COG4: variants seen among roughly 807,000 people sequenced by gnomAD.
COG4 encodes the protein conserved oligomeric Golgi complex subunit 4.
In COG4, 65 loss-of-function variants were observed where a neutral mutation model predicts 95.1. That is an observed-to-expected ratio of 0.68 (90% CI 0.56 to 0.84). The LOEUF (loss-of-function observed/expected upper bound fraction) is 0.84, where lower values mean the gene tolerates loss of function less well. COG4 is among the 40% of genes least tolerant of loss of function. The pLI is 0.00. For missense variants in COG4, 1,045 were observed against 989.1 expected (o/e 1.06, Z -0.76); for synonymous variants, 421 against 374.8 (o/e 1.12, Z -1.42).
chr16:70,500,494 G>A (rs1408317984), intron 9 of COG4, among the ~76,000 whole-genome samples: 1 of 149,828 alleles, frequency 6.7e-6, no homozygotes, highest in African/African-American at 2.5e-5. Flanking sequence ...CCGAGTAGCT[G>A]GGACTGCAGG....
chr16:70,512,493 C>T lies in COG4; in HGVS notation c.545-61G>A, dbSNP rs7193228. The T allele has an allele frequency of 0.025, 35,236 of 1,389,932 alleles. 6,360 individuals are homozygous for T. In the African/African-American group the frequency reaches 0.41, roughly 16 times the overall value. The allele number at this position is 1,389,932 out of a possible 1,614,324, so 86.1% of individuals were successfully genotyped here. ...GAATAGTACTGTGGCAGGTCCATGC[C>T]ACTTTGTGTAATACTATTCATCCAG... On this transcript the variant is annotated intron_variant, in intron 4 of 18. Transcript: ENST00000323786.
At chr16:70,523,157 A>C (rs1472179708) in intron 1 of COG4, 4 of 593,222 alleles carry the variant, frequency 6.7e-6, no homozygotes, top group Non-Finnish European at 1.2e-5. Context: ...GAGAGGCTGC[A>C]GATCGCCCAG....
In COG4 at chr16:70,501,163, G is replaced by C. The variant is rs997674109; in HGVS notation, c.1062-72C>G. The C allele has an allele frequency of 1.1e-5, 18 of 1,565,260 alleles. No individual in the cohort carries two copies. The African/African-American group carries it at 2.2e-4, about 19-fold the overall frequency. ...AGACACAAGAGCTACAGGGCAAAGA[G>C]AGTCCCAAATTCCCCCTCCCCACTG... On this transcript the variant is annotated intron_variant, in intron 8 of 18. Transcript: ENST00000323786.
At chr16:70,506,618 CAAAAAAAA>C (rs1212409898) in intron 8 of COG4, among the ~76,000 whole-genome samples, 1 of 59,910 alleles carries the variant, frequency 1.7e-5, no homozygotes, top group Non-Finnish European at 2.9e-5. Flanking sequence ...AAAAAAAAAA[CAAAAAAAA>C]AAACATTTAG....
At chr16:70,518,843 GGC>G (rs770030174) in intron 2 of COG4, among the ~76,000 whole-genome samples, 5 of 152,012 alleles carry the variant, frequency 3.3e-5, no homozygotes, top group African/African-American at 4.8e-5. Context: ...TGGGCGTGGT[GGC>G]ACATGCCTGG....
At chr16:70,515,857 C>T (rs543277468) in intron 3 of COG4, 7 of 347,368 alleles carry the variant, frequency 2.0e-5, no homozygotes, top group Non-Finnish European at 5.7e-6. Context: ...TTTTGTAGGA[C>T]AGGGTCTTAC....
chr16:70,492,054 A>G (rs1001654701), intron 12 of COG4, among the ~76,000 whole-genome samples: 1 of 152,156 alleles, frequency 6.6e-6, no homozygotes, highest in African/African-American at 2.4e-5. Context: ...TAAAGCAGGA[A>G]AAGGGACAGA....
intron 12 of COG4, 125 bp from the exon 13 acceptor site, chr16:70,490,517 G>A (rs1165489807): frequency 2.5e-6 from 2 of 794,564 alleles, no homozygotes; most frequent in Non-Finnish European, 4.4e-6. Flanking sequence ...GTTCAGACTT[G>A]CGCTAATGAA....
chr16:70,481,898 C>T lies in COG4; in HGVS notation c.2005-33G>A, dbSNP rs763753114. 19 of 1,572,468 alleles carry T rather than the reference C, an allele frequency of 1.2e-5. No individual in the cohort carries two copies. The East Asian group carries it at 4.0e-4, about 33-fold the overall frequency. On this transcript the variant is annotated intron_variant, in intron 16 of 18. Coordinates refer to ENST00000323786, the MANE Select transcript of COG4 (RefSeq NM_015386.3). ...CAGAGGGTTGACATCAGCCGAGCCCCACCTAACTCCTCTGCCTCTATGCTG... is the reference window on the plus strand; with the variant it reads ...CAGAGGGTTGACATCAGCCGAGCCCTACCTAACTCCTCTGCCTCTATGCTG...
At chr16:70,508,207 C>T (rs1362854618) in intron 8 of COG4, among the ~76,000 whole-genome samples, 199 bp downstream of exon 8, 1 of 152,150 alleles carries the variant, frequency 6.6e-6, no homozygotes, top group East Asian at 1.9e-4. Flanking sequence ...GTGTGAGCCA[C>T]CGCGCCCGGC....
Position 70,509,911 on chromosome 16 carries a change from C to G in COG4, c.844+5G>C. The G allele has an allele frequency of 1.2e-6, 2 of 1,610,342 alleles. No individual in the cohort carries two copies. Among genetic ancestry groups the G allele is most frequent in the South Asian group, 2.2e-5 (2 of 90,992 alleles). On this transcript the variant is annotated splice_donor_5th_base_variant and intron_variant, in intron 6 of 18. Coordinates refer to ENST00000323786, the MANE Select transcript of COG4 (RefSeq NM_015386.3). ...AGTCTCTCTAGAGCGGAGAAAGAGG[C>G]TCACCTTCAAACAGAAGAGTAAGTG...
At chr16:70,485,189 G>A (rs1597655992) in intron 13 of COG4, among the ~76,000 whole-genome samples, 1 of 150,510 alleles carries the variant, frequency 6.6e-6, no homozygotes, top group Non-Finnish European at 1.5e-5. Flanking sequence ...GGGCAACAAA[G>A]TGAGACCCTG....
At chr16:70,504,216 C>T (rs2049511893) in intron 8 of COG4, among the ~76,000 whole-genome samples, 1 of 152,154 alleles carries the variant, frequency 6.6e-6, no homozygotes, top group African/African-American at 2.4e-5. Context: ...TTCCCCTACC[C>T]ATACCCCCCT....
chr16:70,491,844 AAAAGT>A (rs2049251346), intron 12 of COG4, among the ~76,000 whole-genome samples: 1 of 146,046 alleles, frequency 6.8e-6, no homozygotes, highest in African/African-American at 2.8e-5. Context: ...AAAAAAAAAA[AAAAGT>A]AAAATGATTC....
intron 2 of COG4, 112 bp downstream of exon 2, chr16:70,519,537 T>C: frequency 1.3e-6 from 1 of 763,982 alleles, no homozygotes; most frequent in Admixed American, 2.0e-5. Context: ...GATAATACCC[T>C]TTACATTTCA....
chr16:70,497,211 T>C lies in COG4; in HGVS notation c.1481+10A>G. The stretch of plus-strand genomic sequence containing the variant: ...TTCTGCCTAGAAAGGAGAAAGGGAG[T>C]CAACTGTACCTGAAGTCAGACTCCA... On this transcript the variant is annotated intron_variant, in intron 11 of 18. Coordinates refer to ENST00000323786, the MANE Select transcript of COG4 (RefSeq NM_015386.3). 1 of 1,613,484 alleles carries C rather than the reference T, an allele frequency of 6.2e-7. No homozygotes were observed. The highest frequency in any genetic ancestry group is 1.3e-5 in the African/African-American group (1 of 74,828).
chr16:70,490,323 C>T lies in COG4; in HGVS notation c.1710+7G>A, dbSNP rs762152511. On this transcript the variant is annotated splice_region_variant and intron_variant, in intron 13 of 18. Coordinates refer to ENST00000323786, the MANE Select transcript of COG4 (RefSeq NM_015386.3). ...TGCTGACCACTGATAGGCAATTTCCCTCGTACCTCCAGTGTCTTCTTCAGA... is the reference window on the plus strand; with the variant it reads ...TGCTGACCACTGATAGGCAATTTCCTTCGTACCTCCAGTGTCTTCTTCAGA... The T allele has an allele frequency of 1.9e-6, 3 of 1,612,358 alleles. No homozygotes were observed. Among genetic ancestry groups the T allele is most frequent in the Non-Finnish European group, 2.5e-6 (3 of 1,178,596 alleles).
At chr16:70,516,913 A>G (rs1317589073) in intron 3 of COG4, among the ~76,000 whole-genome samples, 1 of 152,054 alleles carries the variant, frequency 6.6e-6, no homozygotes. Context: ...ACAGGTGTGC[A>G]TTACCACACC....
chr16:70,501,899 T>G (rs2049459180), intron 8 of COG4, among the ~76,000 whole-genome samples: 2 of 151,788 alleles, frequency 1.3e-5, no homozygotes, highest in Non-Finnish European at 2.9e-5. Flanking sequence ...CTCGAACTCC[T>G]GGCCTCAAGT....
Sources: gnomAD v4.1 joint callset for allele counts (sites outside exome capture counted in the v4.1 genomes callset) on GRCh38, gnomAD v4.1.1 for gene constraint, MANE v1.5 for transcripts, NCBI Gene and HGNC (gene_info 2026-07-23, HGNC 2026-07-21) for gene names.